Variants in RGS22 observed in about 807,000 individuals in gnomAD.
RGS22 encodes regulator of G protein signaling 22.
RGS22 carries 148 observed loss-of-function variants against 172.9 expected under a neutral mutation model. The observed-to-expected ratio is 0.86, with a 90% CI of 0.75 to 0.98. The LOEUF is 0.98. Among genes scored for constraint, RGS22 ranks in the 50% least tolerant of loss-of-function variants. The probability of loss-of-function intolerance (pLI) is 0.00; values close to 1 mark genes in which losing one functional copy is unlikely to be tolerated. For missense variants in RGS22, 1,347 were observed against 1,440.8 expected, an observed-to-expected ratio of 0.93 and a Z score of 1.05; for synonymous variants, 458 against 480.2, an observed-to-expected ratio of 0.95 and a Z score of 0.60.
At chr8:100,019,853 G>C (rs2312615) in intron 14 of RGS22, among the ~76,000 whole-genome samples, 2,914 of 150,708 alleles carry the variant, frequency 0.019, 89 homozygotes, top group East Asian at 0.11. Flanking sequence ...GACAGTATAA[G>C]AACTATAAAA....
At chr8:100,053,041 C>T (rs972870468) in intron 9 of RGS22, 65 bp from the exon 10 acceptor site, 1 of 1,397,992 alleles carries the variant, frequency 7.2e-7, no homozygotes, top group African/African-American at 1.4e-5. Context: ...GAAAAGCCTA[C>T]AAAATACATA....
rs1210624637 is a variant in RGS22, at chr8:100,064,009, C to T, written c.759G>A (p.Arg253=). The change falls in exon 8 of 28, where the codon AGG becomes AGA. Residue 253 remains arginine (R), a synonymous_variant. Transcript: ENST00000360863. Reference sequence around the variant, plus strand: ...TGGTTTTAGATGGGTCCTTTTTTGTCCTAGGGTGAACTCCATCATCAAAGA... The same window carrying T: ...TGGTTTTAGATGGGTCCTTTTTTGTTCTAGGGTGAACTCCATCATCAAAGA... ...NFIFDDGVHP[R]TKKDPSKTNK... 1.0e-5 allele frequency: 16 copies of T among 1,529,206 alleles called. No individual in the cohort carries two copies. The highest frequency in any genetic ancestry group is 6.8e-5 in the East Asian group (3 of 44,000). 94.7% of individuals were successfully genotyped at this position (1,529,206 alleles called of 1,614,324 possible).
intron 14 of RGS22, among the ~76,000 whole-genome samples, chr8:100,009,368 A>G (rs1360428885): frequency 6.6e-6 from 1 of 151,216 alleles, no homozygotes; most frequent in African/African-American, 2.4e-5. Flanking sequence ...GCGGTGGCCC[A>G]AGATCAAGAT....
At position 100,097,161 on chromosome 8, in the gene RGS22, G is replaced by A. The variant is rs182919530; in HGVS notation, c.55-3652C>T. Among the ~76,000 whole-genome samples the A allele has an allele frequency of 5.3e-5, 8 of 152,274 alleles. No individual in the cohort carries two copies. In the East Asian group the frequency reaches 1.5e-3, roughly 29 times the overall value. On this transcript the variant is annotated intron_variant, in intron 2 of 27. Transcript: ENST00000360863. Reference sequence around the variant, plus strand: ...CATAGCAGGTGTCTCTGGGGAATGGGGGCGAGAATCAACTGACAAGGAGCT... The same window carrying A: ...CATAGCAGGTGTCTCTGGGGAATGGAGGCGAGAATCAACTGACAAGGAGCT...
At chr8:100,066,063 T>G in intron 7 of RGS22, 104 bp downstream of exon 7, 1 of 1,034,788 alleles carries the variant, frequency 9.7e-7, no homozygotes, top group Non-Finnish European at 1.4e-6. Flanking sequence ...CGTATGTGGA[T>G]AATTTTTTCT....
At chr8:100,052,043 ATGTT>A in intron 10 of RGS22, among the ~76,000 whole-genome samples, 3 of 92,258 alleles carry the variant, frequency 3.3e-5, no homozygotes, top group Admixed American at 1.7e-4. Flanking sequence ...TTATATATAA[ATGTT>A]TATATATATT....
intron 4 of RGS22, 23 bp downstream of exon 4, chr8:100,080,111 G>T: frequency 6.6e-7 from 1 of 1,504,022 alleles, no homozygotes; most frequent in Non-Finnish European, 9.2e-7. Flanking sequence ...TATCTAACAA[G>T]ATAAAACAGT....
In RGS22 at chr8:100,104,776, G is replaced by A. The variant is rs143953711; in HGVS notation, c.54+598C>T. Among the ~76,000 whole-genome samples the A allele has an allele frequency of 6.8e-4, 104 of 152,310 alleles. 2 individuals are homozygous for A. Among genetic ancestry groups the A allele is most frequent in the Admixed American group, 4.7e-3 (72 of 15,298 alleles). ...CTCTTGGAATCAGACTCAGATCTTG[G>A]TAGGAATTAGGCTCTGACAGCTCCT... On this transcript the variant is annotated intron_variant, in intron 2 of 27. Coordinates refer to ENST00000360863, the MANE Select transcript of RGS22 (RefSeq NM_015668.5).
chr8:100,020,983 C>G (rs1265838214), intron 14 of RGS22, among the ~76,000 whole-genome samples: 2 of 152,132 alleles, frequency 1.3e-5, no homozygotes, highest in Non-Finnish European at 2.9e-5. Context: ...GAGAGTATAC[C>G]CAGAGATCAG....
rs140787713 is a variant in RGS22, at chr8:100,065,667, T to G, written c.724+500A>C. 3.4e-3 allele frequency among the ~76,000 whole-genome samples: 517 copies of G among 152,258 alleles called. 4 individuals carry two copies. The highest frequency in any genetic ancestry group is 0.012 in the African/African-American group (502 of 41,560). ...TCCACAAAGCTCCCCACAGTAGAAA[T>G]TTATCTGCTTTTTAAGGTGAAAAAT... On this transcript the variant is annotated intron_variant, in intron 7 of 27. Coordinates refer to ENST00000360863, the MANE Select transcript of RGS22 (RefSeq NM_015668.5).
intron 11 of RGS22, among the ~76,000 whole-genome samples, chr8:100,042,153 G>A (rs909106665): frequency 1.3e-5 from 2 of 151,936 alleles, no homozygotes; most frequent in Admixed American, 6.6e-5. Context: ...AATTCAAGAT[G>A]GTTTATTATA....
chr8:100,078,988 G>A (rs967126005), intron 4 of RGS22, among the ~76,000 whole-genome samples: 6 of 152,148 alleles, frequency 3.9e-5, no homozygotes, highest in Admixed American at 2.6e-4. Flanking sequence ...TTTTATAATA[G>A]ACATGCTTAA....
At chr8:100,055,559 C>T (rs1012713370) in intron 9 of RGS22, among the ~76,000 whole-genome samples, 2 of 152,154 alleles carry the variant, frequency 1.3e-5, no homozygotes, top group Non-Finnish European at 2.9e-5. Context: ...ATATCTACCT[C>T]ATATGGTTTG....
intron 19 of RGS22, 21 bp from the exon 20 acceptor site, chr8:99,996,551 T>C: frequency 2.5e-6 from 4 of 1,589,714 alleles, no homozygotes; most frequent in Non-Finnish European, 3.4e-6. Flanking sequence ...AACCAATTAT[T>C]TTATCCCAGT....
chr8:100,062,161 G>C (rs1290116880), intron 9 of RGS22, among the ~76,000 whole-genome samples: 1 of 152,096 alleles, frequency 6.6e-6, no homozygotes, highest in East Asian at 1.9e-4. Flanking sequence ...GTGGAAGATA[G>C]AAAGGAAGGA....
intron 3 of RGS22, among the ~76,000 whole-genome samples, chr8:100,082,496 C>G (rs774924428): frequency 2.0e-5 from 3 of 152,128 alleles, no homozygotes; most frequent in Non-Finnish European, 4.4e-5. Context: ...GTTTTCTGTT[C>G]CTGCATTAAT....
intron 9 of RGS22, among the ~76,000 whole-genome samples, chr8:100,060,141 AT>A (rs1263509835): frequency 3.3e-5 from 5 of 151,750 alleles, no homozygotes; most frequent in Non-Finnish European, 7.4e-5. Flanking sequence ...AATGGTATAT[AT>A]TTTTTTCCAC....
At chr8:100,062,956 TC>T (rs1481165510) in intron 8 of RGS22, among the ~76,000 whole-genome samples, 1 of 152,130 alleles carries the variant, frequency 6.6e-6, no homozygotes, top group East Asian at 1.9e-4. Context: ...CAAGAAGTTC[TC>T]TAGTGGAGAG....
chr8:99,979,989 A>G (rs1348622805), intron 22 of RGS22, among the ~76,000 whole-genome samples: 1 of 152,208 alleles, frequency 6.6e-6, no homozygotes, highest in Non-Finnish European at 1.5e-5. Flanking sequence ...CAATTATTTC[A>G]ATTAGACTAG....
Sources: gnomAD v4.1 joint callset for allele counts (sites outside exome capture counted in the v4.1 genomes callset) on GRCh38, gnomAD v4.1.1 for gene constraint, MANE v1.5 for transcripts, NCBI Gene and HGNC (gene_info 2026-07-23, HGNC 2026-07-21) for gene names.